Variants in SETD1A observed in about 807,000 individuals in gnomAD.
SETD1A encodes SET domain containing 1A, histone lysine methyltransferase, also known as histone-lysine N-methyltransferase SETD1A.
SETD1A carries 29 observed loss-of-function variants against 149.9 expected under a neutral mutation model. That is an observed-to-expected ratio of 0.19 (90% CI 0.14 to 0.26). The LOEUF (loss-of-function observed/expected upper bound fraction) is 0.26, where lower values mean the gene tolerates loss of function less well. Ranked by LOEUF, SETD1A falls within the 10% of genes least tolerant of loss-of-function variation. The pLI, the probability that SETD1A is intolerant of heterozygous loss-of-function variation, is 1.00. For missense variants in SETD1A, 2,109 were observed against 2,353.1 expected, an observed-to-expected ratio of 0.90 and a Z score of 2.15; for synonymous variants, 1,141 against 968.5, an observed-to-expected ratio of 1.18 and a Z score of -3.31.
intron 13 of SETD1A, 106 bp downstream of exon 13, chr16:30,971,825 AACAT>A (rs2056229298): frequency 2.2e-6 from 3 of 1,366,376 alleles, no homozygotes; most frequent in Non-Finnish European, 2.9e-6. Context: ...TTATTAGAAA[AACAT>A]ACAAAGAAAA....
intron 3 of SETD1A, among the ~76,000 whole-genome samples, chr16:30,960,730 C>CTTTTTTTTTTTTTTTTT (rs71374043): frequency 4.0e-4 from 32 of 80,540 alleles, no homozygotes; most frequent in South Asian, 8.2e-4. Flanking sequence ...TTCTTTCTTT[C>CTTTTTTTTTTTTTTTTT]TTTTTTTTTT....
Position 30,961,154 on chromosome 16 carries a change from C to T in SETD1A, c.247-113C>T. 1 of 1,129,380 alleles carries T rather than the reference C, an allele frequency of 8.9e-7. No homozygotes were observed. The highest frequency in any genetic ancestry group is 1.3e-6 in the Non-Finnish European group (1 of 764,432). 70.0% of individuals were successfully genotyped at this position (1,129,380 alleles called of 1,614,324 possible). ...TTATTTTGGGCCCCTTCCCTTGCCC[C>T]TCACTTTCCCGGATCTCTCTCTTGA... On this transcript the variant is annotated intron_variant, in intron 3 of 18. Transcript: ENST00000262519. The surrounding 1 kb of genome is among the most constrained non-coding windows in gnomAD (Gnocchi z 4.0).
intron 3 of SETD1A, among the ~76,000 whole-genome samples, chr16:30,959,689 C>G (rs1466777472): frequency 6.6e-6 from 1 of 152,102 alleles, no homozygotes; most frequent in East Asian, 1.9e-4. Flanking sequence ...TCATTTCCTT[C>G]TCTGATTCTT....
intron 13 of SETD1A, among the ~76,000 whole-genome samples, chr16:30,976,443 A>G (rs974379742): frequency 6.6e-6 from 1 of 152,122 alleles, no homozygotes; most frequent in African/African-American, 2.4e-5. Flanking sequence ...TGAGGGGAGA[A>G]GAGGCTGCTG....
intron 4 of SETD1A, among the ~76,000 whole-genome samples, chr16:30,962,425 A>G (rs1318366034): frequency 6.6e-6 from 1 of 152,196 alleles, no homozygotes; most frequent in Admixed American, 6.6e-5. Context: ...CCAGATTCTC[A>G]GAAATACTGG....
intron 9 of SETD1A, 46 bp from the exon 10 acceptor site, chr16:30,967,455 G>C (rs112091682): frequency 6.7e-5 from 105 of 1,565,982 alleles, no homozygotes; most frequent in Non-Finnish European, 8.7e-5. Context: ...TGCTCTGCCT[G>C]AGTGTTTGAG....
chr16:30,981,402 G>A (rs1334675980), intron 17 of SETD1A, among the ~76,000 whole-genome samples: 1 of 152,196 alleles, frequency 6.6e-6, no homozygotes, highest in East Asian at 1.9e-4. Context: ...TTGAGACATA[G>A]TCTCTCTCTG....
Position 30,983,940 on chromosome 16 carries a change from A to C in SETD1A, c.5041A>C (p.Thr1681Pro), listed in dbSNP as rs750963611. The stretch of plus-strand genomic sequence containing the variant: ...GCCCATTGGCGTGGACGAGGAGATC[A>C]CCTACGACTACAAGTTCCCACTGGA... Reference protein sequence around the residue: ...KQPIGVDEEITYDYKFPLEDN... With the variant: ...KQPIGVDEEIPYDYKFPLEDN... Residue 1681 changes from threonine (T) to proline (P), a missense_variant, in exon 19 of 19, where the codon ACC becomes CCC. By Grantham distance (38) the Thr-to-Pro change is conservative (BLOSUM62 -1). Transcript: ENST00000262519. This position sits in a 1 kb window ranked among gnomAD's most constrained non-coding sequence, Gnocchi z 6.8. 1 of 1,614,102 alleles carries C rather than the reference A, an allele frequency of 6.2e-7. No individual in the cohort carries two copies. The highest frequency in any genetic ancestry group is 8.5e-7 in the Non-Finnish European group (1 of 1,179,992).
At position 30,971,601 on chromosome 16, in the gene SETD1A, C is replaced by T. The variant is rs1223991571; in HGVS notation, c.3240C>T (p.Pro1080=). 1.9e-6 allele frequency: 3 copies of T among 1,613,958 alleles called. No individual in the cohort carries two copies. The highest frequency in any genetic ancestry group is 1.3e-5 in the African/African-American group (1 of 75,032). ...CAGCCCTTCCCTCAGCCTCCCCGCC[C>T]CCCAGAGAAGTCCCAGTGCCCACGC... ...RPAALPSASP[P]PREVPVPTPA... The change falls in exon 13 of 19, where the codon CCC becomes CCT. Residue 1080 remains proline, a synonymous_variant. Transcript: ENST00000262519.
intron 17 of SETD1A, among the ~76,000 whole-genome samples, chr16:30,982,302 AC>A (rs1224125222): frequency 6.6e-6 from 1 of 151,802 alleles, no homozygotes; most frequent in East Asian, 1.9e-4. Flanking sequence ...GGAGTTCGAG[AC>A]CAGCCTGGCC....
chr16:30,960,129 A>T (rs1477758491), intron 3 of SETD1A, among the ~76,000 whole-genome samples: 1 of 151,756 alleles, frequency 6.6e-6, no homozygotes, highest in Admixed American at 6.6e-5. Context: ...CTTAATGTAG[A>T]CCTTGGTATT....
intron 12 of SETD1A, 120 bp from the exon 13 acceptor site, chr16:30,971,258 G>A: frequency 9.6e-7 from 1 of 1,047,058 alleles, no homozygotes; most frequent in Non-Finnish European, 1.4e-6. Context: ...TCCTTGGTCT[G>A]TTGGACTTCC....
chr16:30,963,352 G>C, intron 4 of SETD1A, 81 bp from the exon 5 acceptor site: 1 of 1,340,882 alleles, frequency 7.5e-7, no homozygotes, highest in Non-Finnish European at 1.0e-6. Flanking sequence ...GGAAACTTGA[G>C]GCCTGAGAAA....
chr16:30,966,044 G>A lies in SETD1A; in HGVS notation c.2163G>A (p.Pro721=), dbSNP rs760980277. 37 of 1,567,936 alleles carry A rather than the reference G, an allele frequency of 2.4e-5. No homozygotes were observed. The highest frequency in any genetic ancestry group is 1.7e-4 in the Middle Eastern group (1 of 5,854). The change falls in exon 8 of 19, where the codon CCG becomes CCA. Residue 721 remains proline, a synonymous_variant. Coordinates refer to ENST00000262519, the MANE Select transcript of SETD1A (RefSeq NM_014712.3). ...FGEAFLPFPP[P]QEAAYGLPYA... ...AGGCCTTCCTCCCGTTTCCACCCCC[G>A]CAGGAGGCAGCCTACGGCTTGCCGT...
rs1443203003 is a variant in SETD1A, at chr16:30,966,203, G to C, written c.2322G>C (p.Arg774Ser). 6.2e-7 allele frequency: 1 copy of C among 1,613,218 alleles called. No homozygotes were observed. The highest frequency in any genetic ancestry group is 8.5e-7 in the Non-Finnish European group (1 of 1,179,808). The change falls in exon 8 of 19, where the codon AGG (arginine) becomes AGC (serine). Residue 774 changes from arginine to serine, a missense_variant. Around this residue, in one of 8 missense-constraint regions of SETD1A, gnomAD observed 431 missense variants for 388.6 expected, o/e 1.11. Transcript: ENST00000262519. ...VSGEEARLPPREEAELAEGKT... is the reference protein window; with the variant it reads ...VSGEEARLPPSEEAELAEGKT... ...GAGAGGAGGCCCGGCTGCCACCCAG[G>C]GAAGAAGCAGAGCTGGCAGAGGGCA...
chr16:30,979,835 A>G lies in SETD1A; in HGVS notation c.4049A>G (p.Lys1350Arg). ...EVVVAEAEEP[K>R]PQQLQQQREE... ...GTGGTGGCTGAGGCGGAGGAGCCCA[A>G]GCCGCAGCAACTGCAGCAGCAGCGG... Residue 1350 changes from lysine (K) to arginine (R), a missense_variant, in exon 14 of 19, where the codon AAG becomes AGG. Transcript: ENST00000262519. 2 of 1,550,634 alleles carry G rather than the reference A, an allele frequency of 1.3e-6. No homozygotes were observed. Among genetic ancestry groups the G allele is most frequent in the South Asian group, 2.3e-5 (2 of 85,896 alleles).
Position 30,983,795 on chromosome 16 carries a change from C to G in SETD1A, c.4950+23C>G. 2 of 1,612,812 alleles carry G rather than the reference C, an allele frequency of 1.2e-6. No individual in the cohort carries two copies. The highest frequency in any genetic ancestry group is 8.5e-7 in the Non-Finnish European group (1 of 1,179,076). ...ACGGTGCGCCAGGGGCCAGCCGGGG[C>G]AGGAGTTGGGGGTCGGTGGGGGTGG... On this transcript the variant is annotated intron_variant, in intron 18 of 18. Transcript: ENST00000262519. This position sits in a 1 kb window ranked among gnomAD's most constrained non-coding sequence, Gnocchi z 6.8.
intron 13 of SETD1A, among the ~76,000 whole-genome samples, chr16:30,978,006 T>G (rs2056304742): frequency 6.6e-6 from 1 of 151,790 alleles, no homozygotes; most frequent in Non-Finnish European, 1.5e-5. Context: ...CTGGGTACAG[T>G]GGCTCACGCC....
intron 10 of SETD1A, 118 bp downstream of exon 10, chr16:30,967,706 G>A: frequency 1.3e-6 from 1 of 788,086 alleles, no homozygotes; most frequent in South Asian, 1.5e-5. Flanking sequence ...GAGGTGCAGG[G>A]TTGAAATGCA....
Sources: allele counts gnomAD v4.1 joint callset (sites outside exome capture counted in the v4.1 genomes callset), GRCh38; gene constraint gnomAD v4.1.1; regional missense constraint gnomAD v4.1.1; non-coding constraint Gnocchi (gnomAD v3.1); transcripts MANE v1.5; gene names NCBI Gene and HGNC (gene_info 2026-07-23, HGNC 2026-07-21).